The following CSGALNACT1 variants were observed in gnomAD, a reference collection of about 807,000 sequenced individuals.
The protein encoded by CSGALNACT1 is chondroitin sulfate N-acetylgalactosaminyltransferase 1, also known as beta4GalNAcT-1.
In CSGALNACT1, 52 loss-of-function variants were observed where a neutral mutation model predicts 51.0. The observed-to-expected ratio is 1.02, with a 90% confidence interval of 0.82 to 1.29. The LOEUF is 1.29. Ranked by LOEUF, CSGALNACT1 falls within the 50% of genes most tolerant of loss-of-function variation. CSGALNACT1 has a pLI of 0.00. For synonymous variants in CSGALNACT1, 341 were observed against 254.4 expected (o/e 1.34, Z -3.24); for missense variants, 935 against 679.2 (o/e 1.38, Z -4.19).
intron 1 of CSGALNACT1, among the ~76,000 whole-genome samples, chr8:19,738,260 G>A (rs2064106612): frequency 6.6e-6 from 1 of 152,164 alleles, no homozygotes; most frequent in Admixed American, 6.5e-5. Context: ...GGGGAAATAA[G>A]AAAGCAAGAC....
chr8:19,695,817 G>T (rs1366052164), intron 1 of CSGALNACT1, among the ~76,000 whole-genome samples: 4 of 152,064 alleles, frequency 2.6e-5, no homozygotes, highest in Non-Finnish European at 1.5e-5. Flanking sequence ...TTCAGCGCAG[G>T]AGATTTTGTA....
intron 1 of CSGALNACT1, among the ~76,000 whole-genome samples, chr8:19,711,629 T>A (rs1564458194): frequency 6.6e-6 from 1 of 152,206 alleles, no homozygotes; most frequent in Non-Finnish European, 1.5e-5. Flanking sequence ...TATAAAAGAA[T>A]GAACATTGAG....
chr8:19,622,229 G>C (rs1031690018), intron 1 of CSGALNACT1, among the ~76,000 whole-genome samples: 3 of 152,174 alleles, frequency 2.0e-5, no homozygotes, highest in African/African-American at 4.8e-5. Context: ...TGTTGAACTT[G>C]ACTAAACACG....
At chr8:19,643,750 T>A (rs2056975839) in intron 1 of CSGALNACT1, among the ~76,000 whole-genome samples, 1 of 152,184 alleles carries the variant, frequency 6.6e-6, no homozygotes. Context: ...GAGAAAACAT[T>A]AGTTTTTGCT....
intron 3 of CSGALNACT1, among the ~76,000 whole-genome samples, chr8:19,550,295 A>C (rs10087663): frequency 1.3e-5 from 2 of 152,162 alleles, no homozygotes; most frequent in African/African-American, 4.8e-5. Flanking sequence ...TGTGAAACTC[A>C]TTAGAAAAAC....
chr8:19,675,199 A>C (rs1046777533), intron 1 of CSGALNACT1, among the ~76,000 whole-genome samples: 1 of 152,208 alleles, frequency 6.6e-6, no homozygotes, highest in Non-Finnish European at 1.5e-5. Context: ...ATTCTCAACA[A>C]AATATAAACA....
At chr8:19,753,068 C>A (rs1239372034) in intron 1 of CSGALNACT1, among the ~76,000 whole-genome samples, 1 of 152,104 alleles carries the variant, frequency 6.6e-6, no homozygotes, top group Non-Finnish European at 1.5e-5. Context: ...ATCATCTTGG[C>A]GTGGACTCAG....
chr8:19,645,418 G>A (rs2057175940), intron 1 of CSGALNACT1, among the ~76,000 whole-genome samples: 1 of 152,204 alleles, frequency 6.6e-6, no homozygotes, highest in South Asian at 2.1e-4. Flanking sequence ...AGCTGCTGTG[G>A]TGGAAATTGT....
At chr8:19,613,640 G>A (rs978136286) in intron 1 of CSGALNACT1, among the ~76,000 whole-genome samples, 2 of 152,194 alleles carry the variant, frequency 1.3e-5, no homozygotes, top group South Asian at 2.1e-4. Flanking sequence ...TCCTACTGGA[G>A]CTCTTTCCTT....
rs780859963 is a variant in CSGALNACT1, at chr8:19,439,908, C to T, written c.875G>A (p.Gly292Glu). Residue 292 changes from glycine to glutamate, a missense_variant, in exon 6 of 10, where the codon GGG (glycine) becomes GAG (glutamate). Coordinates refer to ENST00000454498, the Ensembl canonical transcript of CSGALNACT1. ...GTAAACAACAGTGAGATGGACTCTCCCATCCTGCTCAATGCACATCTCCCT... is the reference window on the plus strand; with the variant it reads ...GTAAACAACAGTGAGATGGACTCTCTCATCCTGCTCAATGCACATCTCCCT... 4.3e-6 allele frequency: 7 copies of T among 1,613,912 alleles called. No homozygotes were observed. Among genetic ancestry groups the T allele is most frequent in the Admixed American group, 1.7e-5 (1 of 59,972 alleles).
chr8:19,514,580 G>A (rs2079149772), intron 3 of CSGALNACT1, among the ~76,000 whole-genome samples: 1 of 145,692 alleles, frequency 6.9e-6, no homozygotes, highest in South Asian at 2.2e-4. Flanking sequence ...TAGTGCTTAG[G>A]GAGGCTGAGG....
intron 3 of CSGALNACT1, among the ~76,000 whole-genome samples, chr8:19,519,416 A>C (rs921177242): frequency 1.3e-5 from 2 of 152,054 alleles, no homozygotes; most frequent in African/African-American, 2.4e-5. Context: ...TTACGTTGCA[A>C]AAAGTAGACA....
chr8:19,513,436 C>CTCTATATATA lies in CSGALNACT1; in HGVS notation c.-296-7307_-296-7306insTATATATAGA. On this transcript the variant is annotated intron_variant, in intron 3 of 9. Transcript: ENST00000454498. ...TCTCACTCTCTCTCTCTCTCTCTCT[C>CTCTATATATA]TATATATATATATATATATATATAT... Among the ~76,000 whole-genome samples, 508 of 81,838 alleles carry CTCTATATATA rather than the reference C, an allele frequency of 6.2e-3. 6 individuals carry two copies. Among genetic ancestry groups the CTCTATATATA allele is most frequent in the Middle Eastern group, 0.022 (3 of 136 alleles). The allele number at this position is 81,838 out of a possible 152,430, so 53.7% of individuals were successfully genotyped here. A position where few individuals can be genotyped will look rare whatever the true frequency, so the allele number is the denominator to read the frequency against.
chr8:19,505,579 G>A (rs1470043614), exon 4 of CSGALNACT1: 6 of 1,613,916 alleles, frequency 3.7e-6, no homozygotes, highest in African/African-American at 2.7e-5. Flanking sequence ...CTCTCCTGCA[G>A]CTCCTCCTTG....
At chr8:19,408,468 CTTTTTTTTTTTTTTT>C (rs1186216767) in intron 9 of CSGALNACT1, 130 bp downstream of exon 8, 281 of 469,550 alleles carry the variant, frequency 6.0e-4, no homozygotes, top group Middle Eastern at 1.2e-3. Context: ...TCTGGAATAG[CTTTTTTTTTTTTTTT>C]TTTTTTTTTT....
chr8:19,646,759 T>C (rs925573453), intron 1 of CSGALNACT1, among the ~76,000 whole-genome samples: 2 of 152,074 alleles, frequency 1.3e-5, no homozygotes, highest in Non-Finnish European at 2.9e-5. Context: ...CAGTTAACAA[T>C]TGACAAAAAG....
intron 3 of CSGALNACT1, among the ~76,000 whole-genome samples, chr8:19,586,396 G>A (rs1236464739): frequency 3.8e-5 from 5 of 132,428 alleles, no homozygotes; most frequent in Admixed American, 7.4e-5. Flanking sequence ...GACACGCACC[G>A]TAGTCTTATA....
chr8:19,670,537 C>T (rs1255510427), intron 1 of CSGALNACT1, among the ~76,000 whole-genome samples: 1 of 149,336 alleles, frequency 6.7e-6, no homozygotes, highest in East Asian at 2.0e-4. Context: ...CTTATGCCAT[C>T]TCTGAAGGGT....
chr8:19,556,211 C>T (rs1032800549), intron 3 of CSGALNACT1, among the ~76,000 whole-genome samples: 2 of 151,848 alleles, frequency 1.3e-5, no homozygotes, highest in African/African-American at 2.4e-5. Context: ...ACTGTCTCTA[C>T]TAAAAATACA....
Sources: allele counts gnomAD v4.1 joint callset (sites outside exome capture counted in the v4.1 genomes callset), GRCh38; gene constraint gnomAD v4.1.1; transcripts MANE v1.5; gene names NCBI Gene and HGNC (gene_info 2026-07-23, HGNC 2026-07-21).